The following ACACA variants were observed in gnomAD, a reference collection of about 807,000 sequenced individuals.
The protein encoded by ACACA is acetyl-CoA carboxylase 1.
A neutral mutation model predicts 296.1 loss-of-function variants in ACACA; 103 were observed. The observed-to-expected ratio is 0.35, with a 90% CI of 0.30 to 0.41. The LOEUF (loss-of-function observed/expected upper bound fraction) is 0.41. ACACA is among the 10% of genes least tolerant of loss of function. The pLI is 1.00. For synonymous variants in ACACA, 953 were observed against 1,038.6 expected, an observed-to-expected ratio of 0.92 and a Z score of 1.58; for missense variants, 1,554 against 2,989.7, an observed-to-expected ratio of 0.52 and a Z score of 11.20.
intron 15 of ACACA, 42 bp downstream of exon 15, chr17:37,252,844 T>TA: frequency 6.2e-7 from 1 of 1,612,868 alleles, no homozygotes; most frequent in South Asian, 1.1e-5. Context: ...CACAAGTCTA[T>TA]AAAAACCCAA....
intron 1 of ACACA, among the ~76,000 whole-genome samples, chr17:37,401,124 T>C (rs2051270359): frequency 6.6e-6 from 1 of 152,172 alleles, no homozygotes; most frequent in Non-Finnish European, 1.5e-5. Context: ...CACATTTCCC[T>C]GATGATTAGT....
chr17:37,404,215 T>C (rs2051388166), intron 1 of ACACA, among the ~76,000 whole-genome samples: 1 of 152,206 alleles, frequency 6.6e-6, no homozygotes, highest in African/African-American at 2.4e-5. Flanking sequence ...AGTCTCAAAA[T>C]TTGAGTTTCA....
intron 1 of ACACA, among the ~76,000 whole-genome samples, chr17:37,405,841 C>A (rs1457422460): frequency 6.1e-5 from 9 of 147,612 alleles, no homozygotes; most frequent in Admixed American, 4.7e-4. Context: ...CGTGAGCCAC[C>A]GCGCCCGGCA....
At chr17:37,138,892 A>C (rs1024941718) in intron 45 of ACACA, among the ~76,000 whole-genome samples, 5 of 152,132 alleles carry the variant, frequency 3.3e-5, no homozygotes, top group African/African-American at 1.2e-4. Context: ...GGAGCTGCAA[A>C]GCTGACAGCC....
intron 1 of ACACA, among the ~76,000 whole-genome samples, chr17:37,362,975 A>G (rs2147620681): frequency 7.0e-6 from 1 of 142,272 alleles, no homozygotes; most frequent in East Asian, 2.0e-4. Flanking sequence ...CTCCGTCTCA[A>G]AAAAAAAAAA....
chr17:37,303,773 G>A (rs561142445), intron 3 of ACACA, among the ~76,000 whole-genome samples: 7 of 152,284 alleles, frequency 4.6e-5, no homozygotes, highest in South Asian at 4.1e-4. Flanking sequence ...CAGGAGAATC[G>A]CATGAACCCA....
intron 3 of ACACA, among the ~76,000 whole-genome samples, chr17:37,294,599 C>T (rs998466706): frequency 8.5e-5 from 13 of 152,210 alleles, no homozygotes; most frequent in African/African-American, 2.7e-4. Flanking sequence ...ACCAAAATTT[C>T]AGATATAGCA....
chr17:37,278,681 C>T (rs1233078250), intron 5 of ACACA, among the ~76,000 whole-genome samples: 1 of 151,956 alleles, frequency 6.6e-6, no homozygotes, highest in South Asian at 2.1e-4. Flanking sequence ...GGGACTGTAA[C>T]TAGCACTTTG....
chr17:37,150,788 T>C (rs772673627), intron 44 of ACACA, among the ~76,000 whole-genome samples: 1 of 151,864 alleles, frequency 6.6e-6, no homozygotes, highest in Non-Finnish European at 1.5e-5. Flanking sequence ...GTGTGGTAGC[T>C]CATGCCGGTA....
chr17:37,132,234 A>G (rs1294386077), intron 45 of ACACA, among the ~76,000 whole-genome samples: 1 of 152,264 alleles, frequency 6.6e-6, no homozygotes, highest in African/African-American at 2.4e-5. Context: ...TCTAACAGGC[A>G]GAGGGCATTA....
chr17:37,215,113 G>T (rs1252235903), intron 29 of ACACA, among the ~76,000 whole-genome samples: 2 of 152,188 alleles, frequency 1.3e-5, no homozygotes, highest in African/African-American at 4.8e-5. Context: ...GCTATCAGGG[G>T]AAAACACAGC....
chr17:37,247,374 C>CTTTTTTTTTT (rs59972801), intron 18 of ACACA, among the ~76,000 whole-genome samples: 15 of 145,674 alleles, frequency 1.0e-4, no homozygotes, highest in African/African-American at 2.6e-4. Flanking sequence ...TTGTGAATTT[C>CTTTTTTTTTT]TTTTTTTTTT....
At chr17:37,303,066 G>A (rs2083706672) in intron 3 of ACACA, among the ~76,000 whole-genome samples, 1 of 152,112 alleles carries the variant, frequency 6.6e-6, no homozygotes, top group African/African-American at 2.4e-5. Context: ...AAGTAGCTGG[G>A]ACTACAGGAA....
At chr17:37,095,732 C>T (rs541695045) in intron 54 of ACACA, among the ~76,000 whole-genome samples, 123 of 152,308 alleles carry the variant, frequency 8.1e-4, no homozygotes, top group Non-Finnish European at 1.5e-3. Context: ...TGATAAAATG[C>T]ATTTTTGATG....
chr17:37,235,225 G>T, intron 24 of ACACA, 126 bp from the exon 25 acceptor site: 1 of 1,241,818 alleles, frequency 8.1e-7, no homozygotes, highest in Non-Finnish European at 1.2e-6. Flanking sequence ...GGATTTTCTT[G>T]GATGGATTTG....
chr17:37,165,742 T>C (rs2076642237), intron 41 of ACACA, among the ~76,000 whole-genome samples: 1 of 151,162 alleles, frequency 6.6e-6, no homozygotes, highest in South Asian at 2.1e-4. Context: ...TGGCACAATC[T>C]TGGCTCACTG....
rs2076472201 is a variant in ACACA, at chr17:37,161,792, C to T, written c.5338G>A (p.Asp1780Asn). 1 of 1,611,476 alleles carries T rather than the reference C, an allele frequency of 6.2e-7. No homozygotes were observed. The highest frequency in any genetic ancestry group is 1.3e-5 in the African/African-American group (1 of 74,908). The part of the protein sequence containing the change: ...MFHVAWVDPE[D>N]PYKGYRYLYL... ...CTCTTAGTGTGTACCTTGTAAGGAT[C>T]CTCAGGATCTACCCAGGCCACATGA... Residue 1780 changes from aspartate (D) to asparagine (N), a missense_variant, in exon 42 of 56, where the codon GAT becomes AAT. Coordinates refer to ENST00000616317, the MANE Select transcript of ACACA (RefSeq NM_198834.3).
chr17:37,317,154 T>C (rs2047135713), intron 3 of ACACA, among the ~76,000 whole-genome samples: 1 of 152,132 alleles, frequency 6.6e-6, no homozygotes, highest in Non-Finnish European at 1.5e-5. Flanking sequence ...AGCAGAGCTG[T>C]ATATTCATTA....
At chr17:37,087,860 T>C (rs2072324211) in intron 55 of ACACA, among the ~76,000 whole-genome samples, 1 of 151,462 alleles carries the variant, frequency 6.6e-6, no homozygotes, top group Admixed American at 6.6e-5. Context: ...TGTGCTGGAG[T>C]TGGAAAGTTA....
Sources: gnomAD v4.1 joint callset for allele counts (sites outside exome capture counted in the v4.1 genomes callset) on GRCh38, gnomAD v4.1.1 for gene constraint, MANE v1.5 for transcripts, NCBI Gene and HGNC (gene_info 2026-07-23, HGNC 2026-07-21) for gene names.